MYLK3: variants seen among roughly 807,000 people sequenced by gnomAD.
MYLK3 encodes the protein myosin light chain kinase 3, also known as MLC kinase.
A neutral mutation model predicts 76.3 loss-of-function variants in MYLK3; 55 were observed. The ratio of observed to expected loss-of-function variants is 0.72; its 90% CI spans 0.58 to 0.90. MYLK3 has a LOEUF of 0.90. Among genes scored for constraint, MYLK3 ranks in the 40% least tolerant of loss-of-function variants. The pLI, the probability that MYLK3 is intolerant of heterozygous loss-of-function variation, is 0.00. For synonymous variants in MYLK3, 416 were observed against 425.4 expected, an observed-to-expected ratio of 0.98 and a Z score of 0.27; for missense variants, 973 against 1,053.6, an observed-to-expected ratio of 0.92 and a Z score of 1.06.
In MYLK3 at chr16:46,716,533, GTA is replaced by G. The variant is rs1555469386; in HGVS notation, c.1986-3759_1986-3758del. The stretch of plus-strand genomic sequence containing the variant: ...TGTGTGTGTGTGTGTGTGTGTGTGT[GTA>G]TGTTTATTCCTGGCTTCTAACTTGC... On this transcript the variant is annotated intron_variant, in intron 9 of 12. Coordinates refer to ENST00000394809, the MANE Select transcript of MYLK3 (RefSeq NM_182493.3). 5.1e-3 allele frequency among the ~76,000 whole-genome samples: 753 copies of G among 148,532 alleles called. 3 individuals are homozygous for G. The highest frequency in any genetic ancestry group is 0.016 in the African/African-American group (661 of 40,444).
At chr16:46,731,903 T>A (rs1483705405) in intron 4 of MYLK3, among the ~76,000 whole-genome samples, 1 of 152,038 alleles carries the variant, frequency 6.6e-6, no homozygotes, top group African/African-American at 2.4e-5. Flanking sequence ...CAGGGGACTA[T>A]GATCATGCCA....
chr16:46,744,336 T>TTC (rs1335373243), intron 1 of MYLK3, among the ~76,000 whole-genome samples: 1 of 129,562 alleles, frequency 7.7e-6, no homozygotes, highest in African/African-American at 3.0e-5. Context: ...CCAGCTTTTT[T>TTC]TTTTTTTTTT....
intron 9 of MYLK3, among the ~76,000 whole-genome samples, chr16:46,719,411 T>C (rs868754004): frequency 1.3e-5 from 2 of 152,168 alleles, no homozygotes; most frequent in Middle Eastern, 3.4e-3. Flanking sequence ...TCCTAGAAGC[T>C]GGGCATACAA....
chr16:46,758,400 C>T (rs1026618045), intron 1 of MYLK3, among the ~76,000 whole-genome samples: 1 of 151,366 alleles, frequency 6.6e-6, no homozygotes, highest in Non-Finnish European at 1.5e-5. Flanking sequence ...ACAGGGCTGT[C>T]GGCTTCTGTA....
chr16:46,752,730 T>C (rs1010660294), upstream of MYLK3, among the ~76,000 whole-genome samples: 1 of 151,954 alleles, frequency 6.6e-6, no homozygotes, highest in Non-Finnish European at 1.5e-5. Flanking sequence ...TATATGTATA[T>C]ATTAGCCAAG....
intron 1 of MYLK3, among the ~76,000 whole-genome samples, chr16:46,759,477 G>A (rs1470672043): frequency 6.6e-6 from 1 of 152,098 alleles, no homozygotes; most frequent in African/African-American, 2.4e-5. Context: ...AATTCTAGGA[G>A]GAAAAAACTG....
chr16:46,730,647 T>C lies in MYLK3; in HGVS notation c.1514A>G (p.Lys505Arg). ...APFEHRVVSVKETSISAGYEV... is the reference protein window; with the variant it reads ...APFEHRVVSVRETSISAGYEV... ...GTAACCCGCAGAGATGGAGGTCTCC[T>C]TGACGCTCACTACCCGGTGTTCAAA... is the stretch of plus-strand genomic sequence containing the variant. Residue 505 changes from lysine to arginine, a missense_variant, in exon 5 of 13, where the codon AAG becomes AGG. Lys to Arg is a conservative substitution (Grantham distance 26). Around this residue, in one of 2 missense-constraint regions of MYLK3, gnomAD observed 332 missense variants for 416.6 expected, o/e 0.80. Transcript: ENST00000394809. 1 of 1,614,096 alleles carries C rather than the reference T, an allele frequency of 6.2e-7. No homozygotes were observed. The highest frequency in any genetic ancestry group is 8.5e-7 in the Non-Finnish European group (1 of 1,180,024).
rs994790170 is a variant in MYLK3, at chr16:46,730,710, G to T, written c.1463-12C>A. 6.2e-7 allele frequency: 1 copy of T among 1,612,776 alleles called. No individual in the cohort carries two copies. Among genetic ancestry groups the T allele is most frequent in the Non-Finnish European group, 8.5e-7 (1 of 1,179,046 alleles). On this transcript the variant is annotated splice_polypyrimidine_tract_variant and intron_variant, in intron 4 of 12. Transcript: ENST00000394809. ...GGCCGGACTGTCATCTGCTCAGGAG[G>T]CAATAAGGACCTGTGAGCCTCCTCT...
rs182877461 is a variant in MYLK3, at chr16:46,744,275, G to A, written c.477+3442C>T. 1.3e-3 allele frequency among the ~76,000 whole-genome samples: 172 copies of A among 134,026 alleles called. 1 individual carries two copies. The highest frequency in any genetic ancestry group is 2.0e-3 in the Non-Finnish European group (127 of 64,528). 87.9% of individuals were successfully genotyped at this position (134,026 alleles called of 152,430 possible). A position where few individuals can be genotyped will look rare whatever the true frequency, so the allele number is the denominator to read the frequency against. On this transcript the variant is annotated intron_variant, in intron 1 of 12. Coordinates refer to ENST00000394809, the MANE Select transcript of MYLK3 (RefSeq NM_182493.3). Reference sequence around the variant, plus strand: ...TCTCGAACTCCTGACCTCGTGATCTGCCCACCTTGGCCTCCCAAAATGCTG... The same window carrying A: ...TCTCGAACTCCTGACCTCGTGATCTACCCACCTTGGCCTCCCAAAATGCTG...
At chr16:46,716,850 C>G (rs1966745527) in intron 9 of MYLK3, among the ~76,000 whole-genome samples, 1 of 152,142 alleles carries the variant, frequency 6.6e-6, no homozygotes, top group Non-Finnish European at 1.5e-5. Context: ...CATAAAACCC[C>G]AAGAGGACAG....
In MYLK3 at chr16:46,747,806, C is replaced by T. The variant is rs1261033861; in HGVS notation, c.388G>A (p.Ala130Thr). ...AVDRAIALVGATFQKSKVADF... is the reference protein window; with the variant it reads ...AVDRAIALVGTTFQKSKVADF... The stretch of plus-strand genomic sequence containing the variant: ...GCCACCTTTGATTTCTGGAACGTGG[C>T]CCCCACCAAAGCGATGGCCCTGTCC... Residue 130 changes from alanine (A) to threonine (T), a missense_variant, in exon 1 of 13, where the codon GCC becomes ACC. By Grantham distance (58) the Ala-to-Thr change is moderately conservative (BLOSUM62 0). Transcript: ENST00000394809. 1.2e-6 allele frequency: 2 copies of T among 1,614,098 alleles called. No individual in the cohort carries two copies. The highest frequency in any genetic ancestry group is 4.5e-5 in the East Asian group (2 of 44,906).
At chr16:46,736,871 C>T (rs1439692056) in intron 3 of MYLK3, among the ~76,000 whole-genome samples, 1 of 152,104 alleles carries the variant, frequency 6.6e-6, no homozygotes, top group Non-Finnish European at 1.5e-5. Flanking sequence ...CCGGGACGTG[C>T]TGGGGAGGGC....
intron 4 of MYLK3, among the ~76,000 whole-genome samples, chr16:46,731,026 G>A (rs1281585617): frequency 2.0e-5 from 3 of 152,240 alleles, no homozygotes; most frequent in African/African-American, 7.2e-5. Flanking sequence ...GGCCCATGTG[G>A]ACAAGGTGAT....
intron 3 of MYLK3, among the ~76,000 whole-genome samples, chr16:46,736,410 G>C (rs1191291459): frequency 6.6e-6 from 1 of 152,218 alleles, no homozygotes; most frequent in Admixed American, 6.5e-5. Context: ...AGGAAGGGCA[G>C]GTAGTGATCT....
chr16:46,734,772 C>T (rs1301163509), intron 3 of MYLK3, among the ~76,000 whole-genome samples: 1 of 152,120 alleles, frequency 6.6e-6, no homozygotes, highest in Non-Finnish European at 1.5e-5. Context: ...CTCAGTTTTG[C>T]TAGATGGAAA....
rs148872608 is a variant in MYLK3, at chr16:46,747,883, G to A, written c.311C>T (p.Ala104Val). 138 of 1,613,732 alleles carry A rather than the reference G, an allele frequency of 8.6e-5. No individual in the cohort carries two copies. In the East Asian group the frequency reaches 1.0e-3, roughly 12 times the overall value. ...CTCCAGCCTGGCACCGTGCTGGGCC[G>A]CATCCTGCTGCATGGCCCTCACCAG... ...LELVRAMQQDAAQHGARLEAL... is the reference protein window; with the variant it reads ...LELVRAMQQDVAQHGARLEAL... Residue 104 changes from alanine (A) to valine (V), a missense_variant, in exon 1 of 13, where the codon GCG becomes GTG. Coordinates refer to ENST00000394809, the MANE Select transcript of MYLK3 (RefSeq NM_182493.3).
rs1409060340 is a variant in MYLK3 at position 46,703,291 on chromosome 16, A to G, written c.*4413T>C. The G allele has an allele frequency of 6.6e-6, 1 of 152,254 alleles. No individual in the cohort carries two copies. Among genetic ancestry groups the G allele is most frequent in the African/African-American group, 2.4e-5 (1 of 41,466 alleles). The allele number at this position is 152,254 out of a possible 1,614,324, so 9.4% of individuals were successfully genotyped here. On this transcript the variant is annotated 3_prime_UTR_variant, in exon 13 of 13. Transcript: ENST00000394809. ...TTACTGGGCCATTAGCAACAGTGCT[A>G]TAGTAAACATCATTTTGAATAAATC...
intron 9 of MYLK3, among the ~76,000 whole-genome samples, chr16:46,717,929 C>T (rs897773134): frequency 6.6e-6 from 1 of 152,208 alleles, no homozygotes; most frequent in African/African-American, 2.4e-5. Context: ...CCTGCAAATG[C>T]TCATTTGGCA....
At chr16:46,727,682 A>G (rs1275965282) in intron 7 of MYLK3, among the ~76,000 whole-genome samples, 1 of 152,180 alleles carries the variant, frequency 6.6e-6, no homozygotes, top group Non-Finnish European at 1.5e-5. Flanking sequence ...GCTCACCACC[A>G]CACCCGGCTA....
Sources: allele counts gnomAD v4.1 joint callset (sites outside exome capture counted in the v4.1 genomes callset), GRCh38; gene constraint gnomAD v4.1.1; regional missense constraint gnomAD v4.1.1; transcripts MANE v1.5; gene names NCBI Gene and HGNC (gene_info 2026-07-23, HGNC 2026-07-21).